Variants in CBX7 observed in about 807,000 individuals in gnomAD.
CBX7 encodes the protein chromobox 7.
Under a neutral mutation model 31.4 loss-of-function variants are expected in CBX7, and 14 were observed. The observed-to-expected ratio is 0.45, with a 90% CI of 0.29 to 0.70. The LOEUF (loss-of-function observed/expected upper bound fraction) is 0.70, where lower values mean the gene tolerates loss of function less well. Among genes scored for constraint, CBX7 ranks in the 30% least tolerant of loss-of-function variants. The pLI is 0.11. For synonymous variants in CBX7, 159 were observed against 152.6 expected (o/e 1.04, Z -0.31); for missense variants, 269 against 351.9 (o/e 0.76, Z 1.89).
At chr22:39,146,563 A>T (rs1033658421) in intron 2 of CBX7, among the ~76,000 whole-genome samples, 1 of 152,246 alleles carries the variant, frequency 6.6e-6, no homozygotes, top group Non-Finnish European at 1.5e-5. Context: ...CAAGAGTCCT[A>T]GTCATCTCTA....
At chr22:39,149,144 A>G (rs957827065) in intron 2 of CBX7, 1 of 152,254 alleles carries the variant, frequency 6.6e-6, no homozygotes, top group Non-Finnish European at 1.5e-5. Context: ...CTGCCTCCCA[A>G]CTCCGAGATG....
chr22:39,138,768 T>A (rs367564430), intron 3 of CBX7, 66 bp from the exon 4 acceptor site: 943 of 1,472,770 alleles, frequency 6.4e-4, no homozygotes, highest in Non-Finnish European at 8.2e-4. Flanking sequence ...AGGGAAGGCA[T>A]CCGCTTCGCC....
At chr22:39,144,147 A>G (rs773762493) in intron 2 of CBX7, among the ~76,000 whole-genome samples, 8 of 152,176 alleles carry the variant, frequency 5.3e-5, no homozygotes, top group Non-Finnish European at 1.2e-4. Flanking sequence ...GTTCAGTCCC[A>G]AAATGCTGCC....
At chr22:39,144,638 C>T (rs1206062665) in intron 2 of CBX7, among the ~76,000 whole-genome samples, 3 of 152,200 alleles carry the variant, frequency 2.0e-5, no homozygotes, top group Non-Finnish European at 4.4e-5. Context: ...AAGGCTGAAT[C>T]TCCTCACTCT....
chr22:39,134,750 C>G lies in CBX7; in HGVS notation c.249G>C (p.Arg83=), dbSNP rs1226782536. The G allele has an allele frequency of 6.6e-7, 1 of 1,515,722 alleles. No individual in the cohort carries two copies. The highest frequency in any genetic ancestry group is 1.2e-5 in the South Asian group (1 of 81,900). 93.9% of individuals were successfully genotyped at this position (1,515,722 alleles called of 1,614,324 possible). The change falls in exon 5 of 6, where the codon CGG becomes CGC. Residue 83 remains arginine (R), a splice_region_variant and synonymous_variant. Transcript: ENST00000216133. ...GPKPKRLLLQ[R]LYSMDLRSSH... ...AGCTCCGCAGGTCCATGCTGTACAG[C>G]CGCTGCGGGGGCAAGCCAGGGCAGC...
At position 39,141,428 on chromosome 22, in the gene CBX7, G is replaced by A. The variant is rs1482215952; in HGVS notation, c.122C>T (p.Thr41Met). Residue 41 changes from threonine to methionine, a missense_variant, in exon 3 of 6, where the codon ACG becomes ATG. Thr to Met is a moderately conservative substitution (Grantham distance 81). Transcript: ENST00000216133. ...CAAGATGTGCTCTTCTGGCTCCCAC[G>A]TGCTGTACCTGGGGAGAGGAATGAA... ...KWKGWPPKYS[T>M]WEPEEHILDP... The A allele has an allele frequency of 1.9e-6, 3 of 1,611,856 alleles. No individual in the cohort carries two copies. The highest frequency in any genetic ancestry group is 1.3e-5 in the African/African-American group (1 of 74,958).
intron 3 of CBX7, among the ~76,000 whole-genome samples, chr22:39,140,352 G>A (rs1166546564): frequency 2.6e-5 from 4 of 152,080 alleles, no homozygotes. Flanking sequence ...CCCAAGTGTC[G>A]CACCCTGTTG....
At chr22:39,150,908 T>TG (rs1230465277) in intron 1 of CBX7, among the ~76,000 whole-genome samples, 5 of 152,208 alleles carry the variant, frequency 3.3e-5, no homozygotes, top group African/African-American at 1.2e-4. Flanking sequence ...ACTGGCACCT[T>TG]GCAGTTCTAT....
Position 39,152,353 on chromosome 22 carries a change from G to C in CBX7, c.69+23C>G. The C allele has an allele frequency of 7.3e-7, 1 of 1,376,890 alleles. No individual in the cohort carries two copies. Among genetic ancestry groups the C allele is most frequent in the South Asian group, 1.6e-5 (1 of 63,648 alleles). 85.3% of individuals were successfully genotyped at this position (1,376,890 alleles called of 1,614,324 possible). On this transcript the variant is annotated intron_variant, in intron 1 of 5. Transcript: ENST00000216133. The surrounding 1 kb of genome is among the most constrained non-coding windows in gnomAD (Gnocchi z 4.9). ...GGGAGGGACCCCACTGGGGTCCTGG[G>C]AGCCGCCCCCGGGCAGCCTCACCTT...
In CBX7 at chr22:39,152,003, A is replaced by G. The variant is rs1202131458; in HGVS notation, c.69+373T>C. ...AAAGGATTTGGTGCCAAGCGTCCAGAGTCCCGAGTTCAAAACCCAGCTCTG... is the reference window on the plus strand; with the variant it reads ...AAAGGATTTGGTGCCAAGCGTCCAGGGTCCCGAGTTCAAAACCCAGCTCTG... On this transcript the variant is annotated intron_variant, in intron 1 of 5. Coordinates refer to ENST00000216133, the MANE Select transcript of CBX7 (RefSeq NM_175709.5). This position sits in a 1 kb window ranked among gnomAD's most constrained non-coding sequence, Gnocchi z 4.9. Among the ~76,000 whole-genome samples, 2 of 152,200 alleles carry G rather than the reference A, an allele frequency of 1.3e-5. No homozygotes were observed. The highest frequency in any genetic ancestry group is 2.4e-5 in the African/African-American group (1 of 41,450).
intron 3 of CBX7, among the ~76,000 whole-genome samples, chr22:39,140,304 A>G (rs1422887932): frequency 6.6e-6 from 1 of 152,134 alleles, no homozygotes; most frequent in African/African-American, 2.4e-5. Flanking sequence ...GGCCTTTGAT[A>G]CCTGTCCACT....
At chr22:39,151,680 C>G (rs1930859085) in intron 1 of CBX7, among the ~76,000 whole-genome samples, 1 of 152,192 alleles carries the variant, frequency 6.6e-6, no homozygotes, top group South Asian at 2.1e-4. Flanking sequence ...AGACGCCAGG[C>G]CCGGACAAAG....
Position 39,133,795 on chromosome 22 carries a change from A to C in CBX7, c.*96T>G. The C allele has an allele frequency of 8.3e-7, 1 of 1,201,426 alleles. No homozygotes were observed. Among genetic ancestry groups the C allele is most frequent in the East Asian group, 2.8e-5 (1 of 35,764 alleles). 74.4% of individuals were successfully genotyped at this position (1,201,426 alleles called of 1,614,324 possible). A position where few individuals can be genotyped will look rare whatever the true frequency, so the allele number is the denominator to read the frequency against. ...CCTTTTGCTGCTCGGTATTTTTTTAAATAAAATAATTACCCCGCCCCCAAC... is the reference window on the plus strand; with the variant it reads ...CCTTTTGCTGCTCGGTATTTTTTTACATAAAATAATTACCCCGCCCCCAAC... On this transcript the variant is annotated 3_prime_UTR_variant, in exon 6 of 6. Coordinates refer to ENST00000216133, the MANE Select transcript of CBX7 (RefSeq NM_175709.5).
chr22:39,133,824 T>A lies in CBX7; in HGVS notation c.*67A>T. 5.3e-5 allele frequency: 69 copies of A among 1,310,154 alleles called. No individual in the cohort carries two copies. Among genetic ancestry groups the A allele is most frequent in the Non-Finnish European group, 6.3e-5 (60 of 954,910 alleles). The allele number at this position is 1,310,154 out of a possible 1,614,324, so 81.2% of individuals were successfully genotyped here. On this transcript the variant is annotated 3_prime_UTR_variant, in exon 6 of 6. Coordinates refer to ENST00000216133, the MANE Select transcript of CBX7 (RefSeq NM_175709.5). ...AAATAATTACCCCGCCCCCAACCCATCCCTATCTCTGGAAGTCCCACCCCA... is the reference window on the plus strand; with the variant it reads ...AAATAATTACCCCGCCCCCAACCCAACCCTATCTCTGGAAGTCCCACCCCA...
intron 2 of CBX7, among the ~76,000 whole-genome samples, chr22:39,145,834 C>T (rs1339452529): frequency 1.3e-5 from 2 of 151,824 alleles, no homozygotes; most frequent in Non-Finnish European, 2.9e-5. Context: ...GGCCGCCCAG[C>T]CAAAGCCCCG....
At chr22:39,149,638 C>T (rs1310388487) in intron 2 of CBX7, 151 bp downstream of exon 2, 3 of 704,092 alleles carry the variant, frequency 4.3e-6, no homozygotes, top group Non-Finnish European at 5.0e-6. Context: ...AAACTGAGGC[C>T]CAGAGAAGAT....
At chr22:39,141,267 C>CA in intron 3 of CBX7, 104 bp downstream of exon 3, 1 of 944,070 alleles carries the variant, frequency 1.1e-6, no homozygotes, top group Non-Finnish European at 1.6e-6. Context: ...CCCCATCGGA[C>CA]ACCCCTGCCC....
chr22:39,149,933 C>G, intron 1 of CBX7, 101 bp from the exon 2 acceptor site: 2 of 890,634 alleles, frequency 2.2e-6, no homozygotes. Context: ...CAAATCCCAT[C>G]TGCAGACAGG....
intron 4 of CBX7, among the ~76,000 whole-genome samples, chr22:39,137,919 C>A (rs1027533956): frequency 2.9e-4 from 44 of 152,216 alleles, no homozygotes; most frequent in Non-Finnish European, 5.7e-4. Flanking sequence ...CGGTGGCTCA[C>A]GCCTGTAATC....
Sources: allele counts gnomAD v4.1 joint callset (sites outside exome capture counted in the v4.1 genomes callset), GRCh38; gene constraint gnomAD v4.1.1; non-coding constraint Gnocchi (gnomAD v3.1); transcripts MANE v1.5; gene names NCBI Gene and HGNC (gene_info 2026-07-23, HGNC 2026-07-21).